The following EPM2A variants were observed in gnomAD, a reference collection of about 807,000 sequenced individuals.
The protein encoded by EPM2A is EPM2A glucan phosphatase, laforin, also known as laforin.
EPM2A carries 21 observed loss-of-function variants against 26.5 expected under a neutral mutation model. The observed-to-expected ratio is 0.79, with a 90% confidence interval of 0.56 to 1.14. The LOEUF (loss-of-function observed/expected upper bound fraction) is 1.14. EPM2A is among the 50% of genes most tolerant of loss of function. The pLI, the probability that EPM2A is intolerant of heterozygous loss-of-function variation, is 0.00. For missense variants in EPM2A, 458 were observed against 440.8 expected (o/e 1.04, Z -0.35); for synonymous variants, 217 against 177.6 (o/e 1.22, Z -1.76).
Position 145,566,037 on chromosome 6 carries a change from G to A in EPM2A, c.341-63462C>T, listed in dbSNP as rs1486412564. ...AACAAAAATGAATGAATGAATGAATGTAGTAGTAACTCCGTAACCCAAGTC... is the reference window on the plus strand; with the variant it reads ...AACAAAAATGAATGAATGAATGAATATAGTAGTAACTCCGTAACCCAAGTC... On this transcript the variant is annotated intron_variant, in intron 2 of 3. Transcript: ENST00000450221. Among the ~76,000 whole-genome samples the A allele has an allele frequency of 2.0e-5, 3 of 152,196 alleles. No homozygotes were observed. In the East Asian group the frequency reaches 5.8e-4, roughly 29 times the overall value.
intron 4 of EPM2A, among the ~76,000 whole-genome samples, chr6:145,441,144 C>G (rs533760212): frequency 6.6e-6 from 1 of 152,346 alleles, no homozygotes; most frequent in East Asian, 1.9e-4. Flanking sequence ...TCCCAAATCA[C>G]AATTCTTGAC....
rs568211679 is a variant in EPM2A at position 145,481,627 on chromosome 6, T to C, written c.555+20895A>G. 2.2e-3 allele frequency among the ~76,000 whole-genome samples: 329 copies of C among 152,186 alleles called. 1 individual carries two copies. The highest frequency in any genetic ancestry group is 7.8e-3 in the African/African-American group (322 of 41,538). On this transcript the variant is annotated intron_variant, in intron 4 of 4. Transcript: ENST00000638717. ...AGCCCAGGCCAAGACCTGACTACAA[T>C]CTCAGGAGAGACCCTGACCCAGAAC...
chr6:145,452,988 T>C (rs1354061049), intron 4 of EPM2A, among the ~76,000 whole-genome samples: 1 of 152,204 alleles, frequency 6.6e-6, no homozygotes, highest in Non-Finnish European at 1.5e-5. Context: ...TTGTTGGTTT[T>C]AGGTAATGGG....
chr6:145,498,726 G>A (rs1779851886), downstream of EPM2A, among the ~76,000 whole-genome samples: 1 of 152,118 alleles, frequency 6.6e-6, no homozygotes, highest in African/African-American at 2.4e-5. Context: ...GCAAGTACCT[G>A]TATGTTTCAG....
At chr6:145,623,386 A>G (rs906354254), downstream of EPM2A, among the ~76,000 whole-genome samples, 10 of 152,338 alleles carry the variant, frequency 6.6e-5, no homozygotes, top group Middle Eastern at 3.4e-3. Flanking sequence ...GAGGGAGAAG[A>G]GTGAGCCATG....
intron 3 of EPM2A, among the ~76,000 whole-genome samples, chr6:145,633,182 A>G (rs1776395807): frequency 6.6e-6 from 1 of 152,072 alleles, no homozygotes; most frequent in African/African-American, 2.4e-5. Context: ...ATGGCGGGGG[A>G]TGCGTGGCAC....
At chr6:145,492,499 G>A (rs1052893436) in intron 4 of EPM2A, among the ~76,000 whole-genome samples, 1 of 152,162 alleles carries the variant, frequency 6.6e-6, no homozygotes, top group Non-Finnish European at 1.5e-5. Context: ...ACCAGCAAGG[G>A]CAGAGGGTCA....
chr6:145,449,578 G>A (rs1212566716), intron 4 of EPM2A, among the ~76,000 whole-genome samples: 2 of 152,194 alleles, frequency 1.3e-5, no homozygotes, highest in Admixed American at 1.3e-4. Flanking sequence ...AGCCCATGGG[G>A]AAAGAGCTTT....
At chr6:145,593,372 A>G (rs1250508456) in intron 2 of EPM2A, among the ~76,000 whole-genome samples, 1 of 152,158 alleles carries the variant, frequency 6.6e-6, no homozygotes, top group African/African-American at 2.4e-5. Context: ...TTGATAAATC[A>G]AGCAGGCAGA....
At chr6:145,613,180 T>A (rs1160043519) in intron 2 of EPM2A, among the ~76,000 whole-genome samples, 1 of 152,202 alleles carries the variant, frequency 6.6e-6, no homozygotes, top group East Asian at 1.9e-4. Flanking sequence ...CTCCACTAGT[T>A]GTTAACATCG....
At chr6:145,488,516 T>TGAGAGA (rs1216389057) in intron 4 of EPM2A, among the ~76,000 whole-genome samples, 28 of 131,738 alleles carry the variant, frequency 2.1e-4, no homozygotes, top group African/African-American at 8.7e-4. Flanking sequence ...TGTGTGTGTG[T>TGAGAGA]GTGTGTGAGA....
chr6:145,411,619 T>C (rs530333310), intron 4 of EPM2A, among the ~76,000 whole-genome samples: 1 of 152,326 alleles, frequency 6.6e-6, no homozygotes, highest in Non-Finnish European at 1.5e-5. Flanking sequence ...TTTAAAATTA[T>C]TTTATTAGAA....
At chr6:145,439,006 C>G (rs923680460) in intron 4 of EPM2A, among the ~76,000 whole-genome samples, 1 of 152,084 alleles carries the variant, frequency 6.6e-6, no homozygotes. Context: ...TTGTTCCCCT[C>G]TTTCTCTCCA....
chr6:145,714,417 G>A (rs750771658), intron 1 of EPM2A, among the ~76,000 whole-genome samples: 13 of 152,116 alleles, frequency 8.5e-5, no homozygotes, highest in Non-Finnish European at 1.5e-4. Flanking sequence ...ATATAAATAA[G>A]GGTGGAGTTT....
chr6:145,573,655 G>A (rs1780990638), intron 2 of EPM2A, among the ~76,000 whole-genome samples: 2 of 152,204 alleles, frequency 1.3e-5, no homozygotes, highest in Non-Finnish European at 2.9e-5. Context: ...GGCAGAGGCA[G>A]GTGTAATGGT....
intron 2 of EPM2A, among the ~76,000 whole-genome samples, chr6:145,648,160 T>C (rs951955699): frequency 6.6e-6 from 1 of 152,232 alleles, no homozygotes; most frequent in African/African-American, 2.4e-5. Context: ...TTAAAAATGA[T>C]TATATACTTG....
At chr6:145,488,780 C>A (rs550693480) in intron 4 of EPM2A, among the ~76,000 whole-genome samples, 10 of 151,666 alleles carry the variant, frequency 6.6e-5, no homozygotes, top group Admixed American at 2.6e-4. Context: ...TTTTTTTCAT[C>A]TGGTAGTAAA....
chr6:145,471,002 C>T (rs142173273), intron 4 of EPM2A, among the ~76,000 whole-genome samples: 7 of 152,124 alleles, frequency 4.6e-5, no homozygotes, highest in African/African-American at 9.7e-5. Flanking sequence ...TGCTCCACAC[C>T]GCTCTCTTCC....
At chr6:145,558,756 G>T (rs1287008325) in intron 2 of EPM2A, among the ~76,000 whole-genome samples, 1 of 152,074 alleles carries the variant, frequency 6.6e-6, no homozygotes, top group Non-Finnish European at 1.5e-5. Flanking sequence ...GAGATAAGAT[G>T]ACTAAAGCCC....
Sources: gnomAD v4.1 joint callset for allele counts (sites outside exome capture counted in the v4.1 genomes callset) on GRCh38, gnomAD v4.1.1 for gene constraint, MANE v1.5 for transcripts, NCBI Gene and HGNC (gene_info 2026-07-23, HGNC 2026-07-21) for gene names.